EYS: variants seen among roughly 807,000 people sequenced by gnomAD.
EYS encodes the protein protein eyes shut homolog.
A neutral mutation model predicts 282.1 loss-of-function variants in EYS; 250 were observed. The ratio of observed to expected loss-of-function variants is 0.89; its 90% CI spans 0.80 to 0.98. The LOEUF (loss-of-function observed/expected upper bound fraction) is 0.98. Ranked by LOEUF, EYS falls within the 50% of genes least tolerant of loss-of-function variation. EYS has a pLI of 0.00. For synonymous variants in EYS, 1,355 were observed against 1,282.9 expected, an observed-to-expected ratio of 1.06 and a Z score of -1.20; for missense variants, 4,016 against 3,709.0, an observed-to-expected ratio of 1.08 and a Z score of -2.15.
At chr6:63,899,784 C>T (rs560587935) in intron 35 of EYS, among the ~76,000 whole-genome samples, 1 of 152,310 alleles carries the variant, frequency 6.6e-6, no homozygotes, top group African/African-American at 2.4e-5. Context: ...CAGATGCTGA[C>T]TCATATGCTC....
Position 65,376,639 on chromosome 6 carries a change from G to A in EYS, c.1299+7747C>T, listed in dbSNP as rs141879958. 8.1e-3 allele frequency among the ~76,000 whole-genome samples: 1,235 copies of A among 152,150 alleles called. 12 individuals are homozygous for A. Among genetic ancestry groups the A allele is most frequent in the Non-Finnish European group, 0.012 (848 of 68,016 alleles). On this transcript the variant is annotated intron_variant, in intron 8 of 42. Transcript: ENST00000503581. Reference sequence around the variant, plus strand: ...TGCATTCAGAAGACCCATCTCATACGCAAAGACATGTATAGGCTCAAAATA... The same window carrying A: ...TGCATTCAGAAGACCCATCTCATACACAAAGACATGTATAGGCTCAAAATA...
At chr6:64,733,870 C>G (rs548783366) in intron 22 of EYS, 2 of 157,780 alleles carry the variant, frequency 1.3e-5, no homozygotes, top group African/African-American at 4.8e-5. Context: ...CTTAGTCTCA[C>G]TCATATCCTC....
intron 14 of EYS, among the ~76,000 whole-genome samples, chr6:64,948,702 G>A (rs966922389): frequency 6.6e-6 from 1 of 150,432 alleles, no homozygotes; most frequent in Non-Finnish European, 1.5e-5. Context: ...AATTTTGATG[G>A]AAAAGGAAAG....
intron 2 of EYS, among the ~76,000 whole-genome samples, chr6:65,604,215 A>G (rs769955983): frequency 7.2e-5 from 11 of 151,810 alleles, no homozygotes; most frequent in Non-Finnish European, 1.5e-4. Flanking sequence ...TAAATATGGG[A>G]GGGAGTTGAT....
At chr6:65,692,514 G>C (rs1769281102) in intron 1 of EYS, among the ~76,000 whole-genome samples, 1 of 150,104 alleles carries the variant, frequency 6.7e-6, no homozygotes, top group East Asian at 2.3e-4. Flanking sequence ...TTTCATACTT[G>C]TTTCCTGGTA....
At chr6:65,624,289 C>T (rs1206525971) in intron 2 of EYS, among the ~76,000 whole-genome samples, 1 of 152,076 alleles carries the variant, frequency 6.6e-6, no homozygotes, top group Non-Finnish European at 1.5e-5. Context: ...GGCAGTTTTG[C>T]CCCCTTAATC....
chr6:65,070,708 C>A (rs1261275250), intron 12 of EYS, among the ~76,000 whole-genome samples: 1 of 151,414 alleles, frequency 6.6e-6, no homozygotes, highest in Non-Finnish European at 1.5e-5. Flanking sequence ...GGATTAGGTC[C>A]CCCTCCTTTG....
chr6:64,555,326 A>C (rs1765204053), intron 26 of EYS, among the ~76,000 whole-genome samples: 1 of 151,960 alleles, frequency 6.6e-6, no homozygotes, highest in East Asian at 1.9e-4. Context: ...GGTAGAGAGG[A>C]GAAAGGTGGT....
intron 35 of EYS, among the ~76,000 whole-genome samples, chr6:63,914,387 T>A (rs897262915): frequency 6.6e-6 from 1 of 152,056 alleles, no homozygotes; most frequent in African/African-American, 2.4e-5. Flanking sequence ...GAAGGGAATT[T>A]AAAAAATCCA....
At chr6:64,266,927 A>G (rs1767779522) in intron 30 of EYS, among the ~76,000 whole-genome samples, 1 of 152,198 alleles carries the variant, frequency 6.6e-6, no homozygotes, top group Admixed American at 6.6e-5. Context: ...TATCATAAAA[A>G]TACCTGATGT....
chr6:64,105,209 A>G (rs1772967975), intron 31 of EYS, among the ~76,000 whole-genome samples: 1 of 152,084 alleles, frequency 6.6e-6, no homozygotes, highest in Non-Finnish European at 1.5e-5. Flanking sequence ...AGAATTATAA[A>G]CTAGATAAAT....
chr6:64,820,590 T>C (rs1764871506), intron 21 of EYS, among the ~76,000 whole-genome samples: 1 of 152,180 alleles, frequency 6.6e-6, no homozygotes, highest in Non-Finnish European at 1.5e-5. Flanking sequence ...TTATGCTTTT[T>C]AAAACTGTGT....
chr6:64,312,734 A>G (rs1769768923), intron 29 of EYS, among the ~76,000 whole-genome samples: 1 of 152,204 alleles, frequency 6.6e-6, no homozygotes, highest in Non-Finnish European at 1.5e-5. Context: ...GATACCAAGG[A>G]AAACAGGATC....
In EYS at chr6:65,002,838, C is replaced by T. The variant is rs1196929702; in HGVS notation, c.2138-5135G>A. On this transcript the variant is annotated intron_variant, in intron 13 of 42. Transcript: ENST00000503581. ...TTATAATTTCTTATGCCTGTCTTTA[C>T]TGCAATCTCTAAACATAAATTGTAA... is the stretch of plus-strand genomic sequence containing the variant. Among the ~76,000 whole-genome samples the T allele has an allele frequency of 2.0e-5, 3 of 147,426 alleles. 1 individual carries two copies. Among genetic ancestry groups the T allele is most frequent in the Non-Finnish European group, 4.6e-5 (3 of 65,906 alleles).
At chr6:64,290,118 C>T (rs1332805232) in intron 30 of EYS, among the ~76,000 whole-genome samples, 3 of 152,080 alleles carry the variant, frequency 2.0e-5, no homozygotes, top group East Asian at 1.9e-4. Flanking sequence ...CTTTGCACTA[C>T]GCAGCCATAT....
intron 30 of EYS, among the ~76,000 whole-genome samples, chr6:64,238,072 A>G (rs928487086): frequency 5.3e-5 from 8 of 152,234 alleles, no homozygotes; most frequent in Non-Finnish European, 1.0e-4. Flanking sequence ...CAAATAAATT[A>G]ATTCACTCCA....
intron 5 of EYS, among the ~76,000 whole-genome samples, chr6:65,409,013 T>C (rs1335084551): frequency 2.6e-5 from 4 of 152,194 alleles, no homozygotes; most frequent in African/African-American, 4.8e-5. Context: ...TATGTGAAGA[T>C]TTCTAGAAAC....
rs1487256048 is a variant in EYS at position 64,639,751 on chromosome 6, AG to A, written c.3444-13507del. On this transcript the variant is annotated intron_variant, in intron 22 of 42. Transcript: ENST00000503581. ...AAACTAAAGAGCTTCTGCACAGGAA[AG>A]GAAACTACCATCAGAGTGAACAGGC... Among the ~76,000 whole-genome samples, 2 of 91,632 alleles carry A rather than the reference AG, an allele frequency of 2.2e-5. 1 individual carries two copies. Among genetic ancestry groups the A allele is most frequent in the Non-Finnish European group, 4.7e-5 (2 of 42,462 alleles). 60.1% of individuals were successfully genotyped at this position (91,632 alleles called of 152,430 possible).
rs142144350 is a variant in EYS at position 64,141,144 on chromosome 6, C to T, written c.6425-59142G>A. On this transcript the variant is annotated intron_variant, in intron 31 of 42. Coordinates refer to ENST00000503581, the MANE Select transcript of EYS (RefSeq NM_001142800.2). ...ATAAATGTAGCTATGTCTCTTAATTCGTTTACACTAAGATCCTTGGTAGCA... is the reference window on the plus strand; with the variant it reads ...ATAAATGTAGCTATGTCTCTTAATTTGTTTACACTAAGATCCTTGGTAGCA... 6.9e-3 allele frequency among the ~76,000 whole-genome samples: 1,046 copies of T among 151,614 alleles called. 3 individuals are homozygous for T. The highest frequency in any genetic ancestry group is 9.7e-3 in the Non-Finnish European group (662 of 68,012).
Sources: gnomAD v4.1 joint callset for allele counts (sites outside exome capture counted in the v4.1 genomes callset) on GRCh38, gnomAD v4.1.1 for gene constraint, MANE v1.5 for transcripts, NCBI Gene and HGNC (gene_info 2026-07-23, HGNC 2026-07-21) for gene names.